FAAH2: variants seen among roughly 807,000 people sequenced by gnomAD.
The protein encoded by FAAH2 is fatty acid amide hydrolase 2.
In FAAH2, 60 loss-of-function variants were observed where a neutral mutation model predicts 36.9. The ratio of observed to expected loss-of-function variants is 1.63; its 90% confidence interval spans 1.32 to 2.02. The LOEUF (loss-of-function observed/expected upper bound fraction) is 2.02. Among genes scored for constraint, FAAH2 ranks in the 30% most tolerant of loss-of-function variants. FAAH2 has a pLI of 0.00. For synonymous variants in FAAH2, 214 were observed against 143.8 expected, an observed-to-expected ratio of 1.49 and a Z score of -3.49; for missense variants, 689 against 397.5, an observed-to-expected ratio of 1.73 and a Z score of -6.23.
the FAAH2 span, among the ~76,000 whole-genome samples, chrX:57,162,251 C>T: frequency 2.7e-5 from 3 of 111,819 alleles, no homozygotes; most frequent in South Asian, 3.8e-4. Context: ...GATGGGCTTC[C>T]CTTTGAGGGT....
At chrX:57,158,380 G>A in the FAAH2 span, among the ~76,000 whole-genome samples, 1 of 112,036 alleles carries the variant, frequency 8.9e-6, no homozygotes, top group Middle Eastern at 4.2e-3. Flanking sequence ...GGGTGGCTGT[G>A]TCAAATGGTA....
chrX:57,408,752 G>C (rs769323776), intron 7 of FAAH2, among the ~76,000 whole-genome samples: 2 of 110,910 alleles, frequency 1.8e-5, no homozygotes, highest in East Asian at 5.6e-4. Flanking sequence ...TACTTAATTT[G>C]TTGAGAGCTT....
chrX:57,245,459 A>C, the FAAH2 span, among the ~76,000 whole-genome samples: 1 of 111,779 alleles, frequency 8.9e-6, no homozygotes, highest in African/African-American at 3.3e-5. Flanking sequence ...CTTATTCTAA[A>C]ATTGACCAAA....
chrX:57,307,233 G>T (rs776127033), intron 2 of FAAH2, among the ~76,000 whole-genome samples: 1 of 106,784 alleles, frequency 9.4e-6, no homozygotes, highest in East Asian at 3.0e-4. Context: ...AGCATTAGTA[G>T]TATCAGTGAT....
the FAAH2 span, among the ~76,000 whole-genome samples, chrX:57,178,003 T>G: frequency 3.6e-5 from 4 of 110,938 alleles, no homozygotes; most frequent in Non-Finnish European, 5.7e-5. Flanking sequence ...ACTATATCTT[T>G]AAACTCCTCT....
Position 57,299,358 on chromosome X carries a change from A to T in FAAH2, c.275+6778A>T, listed in dbSNP as rs753180375. Among the ~76,000 whole-genome samples, 103 of 112,220 alleles carry T rather than the reference A, an allele frequency of 9.2e-4. 1 individual carries two copies. The highest frequency in any genetic ancestry group is 9.0e-3 in the Admixed American group (95 of 10,568). On this transcript the variant is annotated intron_variant, in intron 2 of 10. Coordinates refer to ENST00000374900, the MANE Select transcript of FAAH2 (RefSeq NM_174912.4). ...AAACAGAACCAAAGACAAAAACCACATGATTATCTCAATAGATGCAGAAAA... is the reference window on the plus strand; with the variant it reads ...AAACAGAACCAAAGACAAAAACCACTTGATTATCTCAATAGATGCAGAAAA...
chrX:57,271,283 C>A, the FAAH2 span, among the ~76,000 whole-genome samples: 1 of 112,835 alleles, frequency 8.9e-6, no homozygotes, highest in East Asian at 2.8e-4. Context: ...TGCCAGATTT[C>A]TCCTCTCTGG....
At chrX:57,395,350 C>T (rs2055268698) in intron 7 of FAAH2, 1 of 682,337 alleles carries the variant, frequency 1.5e-6, no homozygotes, top group Non-Finnish European at 2.3e-6. Flanking sequence ...CTTGATTCTT[C>T]AGTCTCGCCC....
At chrX:57,286,667 T>G (rs1446943745), upstream of FAAH2, 4 of 470,912 alleles carry the variant, frequency 8.5e-6, no homozygotes, top group African/African-American at 2.5e-5. Flanking sequence ...CTAGGAGCCC[T>G]GCAGGTGATG....
At chrX:57,280,467 G>A in the FAAH2 span, among the ~76,000 whole-genome samples, 2 of 110,201 alleles carry the variant, frequency 1.8e-5, no homozygotes, top group Non-Finnish European at 3.8e-5. Context: ...ACTGTTTTAG[G>A]CCCTAGGGAA....
At chrX:57,479,000 A>T (rs962928772) in intron 10 of FAAH2, among the ~76,000 whole-genome samples, 2 of 111,673 alleles carry the variant, frequency 1.8e-5, no homozygotes, top group East Asian at 5.6e-4. Flanking sequence ...TGAACTTTAA[A>T]GTAGTTTTTC....
chrX:57,133,443 G>A, the FAAH2 span, among the ~76,000 whole-genome samples: 8 of 111,695 alleles, frequency 7.2e-5, no homozygotes, highest in African/African-American at 2.3e-4. Context: ...AGTTACAAGT[G>A]CAAACGCTTC....
chrX:57,235,755 T>C, the FAAH2 span, among the ~76,000 whole-genome samples: 2 of 112,560 alleles, frequency 1.8e-5, no homozygotes, highest in Admixed American at 1.9e-4. Flanking sequence ...TGCAATACAG[T>C]GTGATGTTTC....
chrX:57,481,650 G>A (rs1322548740), intron 10 of FAAH2, among the ~76,000 whole-genome samples: 1 of 111,622 alleles, frequency 9.0e-6, no homozygotes, highest in Non-Finnish European at 1.9e-5. Flanking sequence ...ATGCCAGCTG[G>A]AGCTGTCTTG....
intron 2 of FAAH2, among the ~76,000 whole-genome samples, chrX:57,295,661 C>A (rs760909331): frequency 1.8e-5 from 2 of 112,333 alleles, no homozygotes; most frequent in Non-Finnish European, 3.8e-5. Context: ...GGCGAGGCAT[C>A]ACCTCACCCA....
intron 5 of FAAH2, among the ~76,000 whole-genome samples, chrX:57,345,159 T>A (rs1408896293): frequency 1.9e-5 from 2 of 107,159 alleles, no homozygotes; most frequent in African/African-American, 6.8e-5. Context: ...GTAGTATTGG[T>A]ACCAGGTTTT....
At chrX:57,270,777 C>T in the FAAH2 span, among the ~76,000 whole-genome samples, 1 of 111,415 alleles carries the variant, frequency 9.0e-6, no homozygotes, top group Non-Finnish European at 1.9e-5. Context: ...AGGGTCTAAG[C>T]CTGAGGAACT....
intron 10 of FAAH2, among the ~76,000 whole-genome samples, chrX:57,485,737 T>C (rs1602855152): frequency 8.9e-6 from 1 of 112,348 alleles, no homozygotes; most frequent in Middle Eastern, 4.6e-3. Context: ...TCTCTATTTA[T>C]TCAGGGTCCA....
At chrX:57,264,583 G>A in the FAAH2 span, among the ~76,000 whole-genome samples, 6 of 112,617 alleles carry the variant, frequency 5.3e-5, no homozygotes, top group African/African-American at 1.9e-4. Context: ...CACTGGTGGA[G>A]GTAGTGTAAA....
Sources: allele counts gnomAD v4.1 joint callset (sites outside exome capture counted in the v4.1 genomes callset), GRCh38; gene constraint gnomAD v4.1.1; transcripts MANE v1.5; gene names NCBI Gene and HGNC (gene_info 2026-07-23, HGNC 2026-07-21).